GEMIN7: variants seen among roughly 807,000 people sequenced by gnomAD.
The protein encoded by GEMIN7 is gem nuclear organelle associated protein 7.
Under a neutral mutation model 7.8 loss-of-function variants are expected in GEMIN7, and 7 were observed. That is an observed-to-expected ratio of 0.90 (90% CI 0.51 to 1.69). The LOEUF is 1.69. Among genes scored for constraint, GEMIN7 ranks in the 40% most tolerant of loss-of-function variants. GEMIN7 has a pLI of 0.00. For synonymous variants in GEMIN7, 68 were observed against 72.4 expected (o/e 0.94, Z 0.31); for missense variants, 159 against 176.2 (o/e 0.90, Z 0.55).
upstream of GEMIN7, among the ~76,000 whole-genome samples, chr19:45,077,651 C>T (rs1354736945): frequency 6.6e-6 from 1 of 152,134 alleles, no homozygotes; most frequent in East Asian, 1.9e-4. Flanking sequence ...GTCTGGGTTC[C>T]ATTGTCCTCC....
rs1967856597 is a variant in GEMIN7, at chr19:45,090,372, G to T, written c.258G>T (p.Val86=). ...TGAGCTTCACGTTGCACGAGGGTGT[G>T]CGTGTGGCCGCCCACTTTGGAGCCA... is the stretch of plus-strand genomic sequence containing the variant. ...HQVSFTLHEG[V]RVAAHFGATD... Residue 86 remains valine (V), a synonymous_variant, in exon 3 of 3, where the codon GTG becomes GTT. Coordinates refer to ENST00000270257, the MANE Select transcript of GEMIN7 (RefSeq NM_024707.3). 10 of 1,614,158 alleles carry T rather than the reference G, an allele frequency of 6.2e-6. No homozygotes were observed. The highest frequency in any genetic ancestry group is 8.5e-6 in the Non-Finnish European group (10 of 1,180,038).
At chr19:45,077,370 G>A (rs947654454), upstream of GEMIN7, among the ~76,000 whole-genome samples, 3 of 152,114 alleles carry the variant, frequency 2.0e-5, no homozygotes, top group Non-Finnish European at 2.9e-5. Context: ...CCTCCACTCC[G>A]CCTCCTTGAA....
chr19:45,085,863 C>T (rs868035610), intron 2 of GEMIN7, among the ~76,000 whole-genome samples: 11 of 88,394 alleles, frequency 1.2e-4, no homozygotes, highest in African/African-American at 4.4e-4. Flanking sequence ...ACAAGAATCT[C>T]TTTTTTTTTT....
At chr19:45,084,384 A>C (rs1967608153) in intron 2 of GEMIN7, among the ~76,000 whole-genome samples, 1 of 150,044 alleles carries the variant, frequency 6.7e-6, no homozygotes, top group Non-Finnish European at 1.5e-5. Flanking sequence ...AATAAAATTA[A>C]TTAATTAAAA....
chr19:45,079,144 C>G (rs7251911), upstream of GEMIN7: 24,582 of 152,268 alleles, frequency 0.16, 3,325 homozygotes, highest in East Asian at 0.63. Context: ...GCTTCCAAGC[C>G]TGCGAGCCAG....
chr19:45,090,064 CT>C, intron 2 of GEMIN7, 42 bp from the exon 3 acceptor site: 4 of 1,564,300 alleles, frequency 2.6e-6, no homozygotes, highest in Non-Finnish European at 3.5e-6. Context: ...TAGCCCCATG[CT>C]TACCATGTAA....
chr19:45,083,531 G>C (rs1387868578), intron 2 of GEMIN7, among the ~76,000 whole-genome samples: 1 of 151,566 alleles, frequency 6.6e-6, no homozygotes, highest in African/African-American at 2.4e-5. Flanking sequence ...ATTATGCAGA[G>C]TGGGTGATGA....
chr19:45,081,991 C>T (rs530948098), intron 2 of GEMIN7, among the ~76,000 whole-genome samples: 40 of 152,244 alleles, frequency 2.6e-4, no homozygotes, highest in South Asian at 1.0e-3. Context: ...CCATACTAGA[C>T]GCCATCTTCT....
intron 2 of GEMIN7, among the ~76,000 whole-genome samples, chr19:45,085,162 C>T (rs563996940): frequency 2.0e-5 from 3 of 152,304 alleles, no homozygotes; most frequent in African/African-American, 4.8e-5. Flanking sequence ...TCAGGTGATC[C>T]GCCTGCCTCG....
chr19:45,076,601 C>T (rs781499136), upstream of GEMIN7: 1 of 338,580 alleles, frequency 3.0e-6, no homozygotes, highest in Non-Finnish European at 5.3e-6. This position sits in a 1 kb window ranked among gnomAD's most constrained non-coding sequence, Gnocchi z 4.9. Flanking sequence ...CTAACTCAAT[C>T]TAGGCAGTGT....
At position 45,090,202 on chromosome 19, in the gene GEMIN7, C is replaced by T. The variant is rs1224058765; in HGVS notation, c.88C>T (p.Arg30Cys). 3 of 1,614,178 alleles carry T rather than the reference C, an allele frequency of 1.9e-6. No individual in the cohort carries two copies. The African/African-American group carries it at 4.0e-5, about 22-fold the overall frequency. ...CAGCCGTGGCTTTGCCCCTGATGGACGCAGAGCCCCCTTGAGGCCAGAGGT... is the reference window on the plus strand; with the variant it reads ...CAGCCGTGGCTTTGCCCCTGATGGATGCAGAGCCCCCTTGAGGCCAGAGGT... Reference protein sequence around the residue: ...GFSRGFAPDGRRAPLRPEVPE... With the variant: ...GFSRGFAPDGCRAPLRPEVPE... The change falls in exon 3 of 3, where the codon CGC becomes TGC. Residue 30 changes from arginine (R) to cysteine (C), a missense_variant. Coordinates refer to ENST00000270257, the MANE Select transcript of GEMIN7 (RefSeq NM_024707.3).
intron 2 of GEMIN7, among the ~76,000 whole-genome samples, chr19:45,082,858 C>T (rs1007367406): frequency 4.0e-5 from 6 of 148,510 alleles, no homozygotes; most frequent in African/African-American, 1.5e-4. Context: ...TACGCTAAAG[C>T]AATTCTCCAG....
chr19:45,079,170 G>A (rs1255107797), upstream of GEMIN7: 1 of 152,310 alleles, frequency 6.6e-6, no homozygotes, highest in Non-Finnish European at 1.5e-5. Flanking sequence ...GACCACGTGG[G>A]GCAGTGGCGG....
chr19:45,077,292 C>G (rs1967374382), upstream of GEMIN7, among the ~76,000 whole-genome samples: 1 of 152,124 alleles, frequency 6.6e-6, no homozygotes, highest in African/African-American at 2.4e-5. Context: ...GGACTGTAAT[C>G]ATACACATCG....
rs552125603 is a variant in GEMIN7 at position 45,090,561 on chromosome 19, C to T, written c.*51C>T. 3.3e-5 allele frequency: 51 copies of T among 1,532,974 alleles called. No homozygotes were observed. Among genetic ancestry groups the T allele is most frequent in the Non-Finnish European group, 4.3e-5 (48 of 1,126,822 alleles). The allele number at this position is 1,532,974 out of a possible 1,614,324, so 95.0% of individuals were successfully genotyped here. On this transcript the variant is annotated 3_prime_UTR_variant, in exon 3 of 3. Coordinates refer to ENST00000270257, the MANE Select transcript of GEMIN7 (RefSeq NM_024707.3). ...GAGGCTAAGGCACTGTATCCCAGGCCTCCCAATGTTCCCGAGCCAGGAACT... is the reference window on the plus strand; with the variant it reads ...GAGGCTAAGGCACTGTATCCCAGGCTTCCCAATGTTCCCGAGCCAGGAACT...
intron 2 of GEMIN7, among the ~76,000 whole-genome samples, chr19:45,087,418 T>G (rs1040803325): frequency 2.6e-5 from 4 of 151,992 alleles, no homozygotes; most frequent in African/African-American, 9.7e-5. Context: ...GCTAGGATTA[T>G]AGGCATGCGC....
At position 45,091,228 on chromosome 19, in the gene GEMIN7, G is replaced by A. The variant is rs1345633558; in HGVS notation, c.*718G>A. On this transcript the variant is annotated 3_prime_UTR_variant, in exon 3 of 3. Coordinates refer to ENST00000270257, the MANE Select transcript of GEMIN7 (RefSeq NM_024707.3). ...TGGTTGCTGTGGACTGCACACGACA[G>A]CAGATTCGCTGTCCCCTCGTTGGAG... is the stretch of plus-strand genomic sequence containing the variant. 6.0e-6 allele frequency: 1 copy of A among 167,162 alleles called. No individual in the cohort carries two copies. Among genetic ancestry groups the A allele is most frequent in the Non-Finnish European group, 1.5e-5 (1 of 68,156 alleles). 10.4% of individuals were successfully genotyped at this position (167,162 alleles called of 1,614,324 possible).
chr19:45,082,527 C>T (rs1408451410), intron 2 of GEMIN7, among the ~76,000 whole-genome samples: 1 of 152,178 alleles, frequency 6.6e-6, no homozygotes, highest in East Asian at 1.9e-4. Context: ...GGCTCTCAGT[C>T]CTAGACGTGT....
At chr19:45,076,299 C>T (rs1967349969), upstream of GEMIN7, 1 of 1,445,034 alleles carries the variant, frequency 6.9e-7, no homozygotes, top group Non-Finnish European at 9.1e-7. The surrounding 1 kb of genome is among the most constrained non-coding windows in gnomAD (Gnocchi z 4.9). Context: ...CCTGCATTTC[C>T]ATCTCGTCGT....
Sources: gnomAD v4.1 joint callset for allele counts (sites outside exome capture counted in the v4.1 genomes callset) on GRCh38, gnomAD v4.1.1 for gene constraint, Gnocchi (gnomAD v3.1) non-coding constraint, MANE v1.5 for transcripts, NCBI Gene and HGNC (gene_info 2026-07-23, HGNC 2026-07-21) for gene names.